The following CD3E variants were observed in gnomAD, a reference collection of about 807,000 sequenced individuals.
The protein encoded by CD3E is CD3 epsilon subunit of T-cell receptor complex.
CD3E carries 16 observed loss-of-function variants against 34.7 expected under a neutral mutation model. The ratio of observed to expected loss-of-function variants is 0.46; its 90% CI spans 0.31 to 0.70. The LOEUF (loss-of-function observed/expected upper bound fraction) is 0.70, where lower values mean the gene tolerates loss of function less well. Ranked by LOEUF, CD3E falls within the 30% of genes least tolerant of loss-of-function variation. The probability of loss-of-function intolerance (pLI) is 0.05; values close to 1 mark genes in which losing one functional copy is unlikely to be tolerated. For synonymous variants in CD3E, 70 were observed against 90.8 expected (o/e 0.77, Z 1.30); for missense variants, 223 against 253.9 (o/e 0.88, Z 0.83).
rs372144734 is a variant in CD3E, at chr11:118,313,816, T to C, written c.462T>C (p.Asn154=). 45 of 1,614,028 alleles carry C rather than the reference T, an allele frequency of 2.8e-5. No individual in the cohort carries two copies. In the African/African-American group the frequency reaches 5.6e-4, roughly 20 times the overall value. ...LLLLVYYWSK[N]RKAKAKPVTR... is the part of the protein sequence containing the mutation. ...TGCTGGTTTACTACTGGAGCAAGAA[T>C]AGAAAGGCCAAGGCCAAGCCTGTGA... Residue 154 remains asparagine, a synonymous_variant, in exon 7 of 9, where the codon AAT becomes AAC. Coordinates refer to ENST00000361763, the MANE Select transcript of CD3E (RefSeq NM_000733.4).
chr11:118,308,285 AG>A, intron 3 of CD3E, 141 bp from the exon 4 acceptor site: 1 of 726,310 alleles, frequency 1.4e-6, no homozygotes, highest in Non-Finnish European at 2.5e-6. Context: ...GGCCCATAAC[AG>A]CTTTTTCTAT....
intron 4 of CD3E, among the ~76,000 whole-genome samples, chr11:118,310,502 C>T (rs1948130060): frequency 6.6e-6 from 1 of 152,182 alleles, no homozygotes. Context: ...ATATGCAGCA[C>T]ATTTTTTTAT....
chr11:118,304,818 A>C (rs370729302), intron 1 of CD3E, 42 bp downstream of exon 1: 5 of 802,874 alleles, frequency 6.2e-6, no homozygotes, highest in Non-Finnish European at 1.1e-5. Flanking sequence ...TCATCCTAGC[A>C]TTGGGAACAA....
At position 118,315,566 on chromosome 11, in the gene CD3E, G is replaced by C. The variant is rs981500571; in HGVS notation, c.*24G>C. On this transcript the variant is annotated 3_prime_UTR_variant, in exon 9 of 9. Coordinates refer to ENST00000361763, the MANE Select transcript of CD3E (RefSeq NM_000733.4). ...GACCCTCTGGAGAACACTGCCTCCC[G>C]CTGGCCCAGGTCTCCTCTCCAGTCC... The C allele has an allele frequency of 6.3e-7, 1 of 1,596,440 alleles. No homozygotes were observed. The highest frequency in any genetic ancestry group is 8.6e-7 in the Non-Finnish European group (1 of 1,169,374).
At chr11:118,313,391 A>T in intron 6 of CD3E, 1 of 422,188 alleles carries the variant, frequency 2.4e-6, no homozygotes, top group Admixed American at 3.5e-5. Context: ...TGGGTTAAGT[A>T]TCATTTTATT....
Position 118,313,874 on chromosome 11 carries a change from G to T in CD3E, c.520G>T (p.Gly174Ter). 1 of 1,612,792 alleles carries T rather than the reference G, an allele frequency of 6.2e-7. No individual in the cohort carries two copies. ...RGAGAGGRQR[G>*]QNKERPPPVP... ...AGCGGGTGCTGGCGGCAGGCAAAGG[G>T]GTAAGGCTGTGGAGTCCAGTCAGAG... is the stretch of plus-strand genomic sequence containing the variant. Residue 174 changes from glycine to a stop codon, truncating the protein, a stop_gained and splice_region_variant, in exon 7 of 9, where the codon GGA becomes TGA. Coordinates refer to ENST00000361763, the MANE Select transcript of CD3E (RefSeq NM_000733.4). LOFTEE classifies it high-confidence loss of function.
intron 5 of CD3E, 132 bp downstream of exon 5, chr11:118,312,302 T>C: frequency 1.1e-6 from 1 of 928,716 alleles, no homozygotes; most frequent in South Asian, 1.3e-5. Context: ...AACTCCATTT[T>C]AGAAAGGTTC....
At chr11:118,314,561 T>A in intron 8 of CD3E, 67 bp downstream of exon 8, 1 of 1,448,696 alleles carries the variant, frequency 6.9e-7, no homozygotes, top group South Asian at 1.2e-5. Context: ...AGGAAACAGA[T>A]GGGATGGCCC....
chr11:118,307,549 A>T (rs1449563954), intron 3 of CD3E, among the ~76,000 whole-genome samples: 10 of 152,216 alleles, frequency 6.6e-5, no homozygotes, highest in Non-Finnish European at 1.3e-4. Flanking sequence ...TGAGACTTAA[A>T]TGAAGTTGAA....
At position 118,314,429 on chromosome 11, in the gene CD3E, T is replaced by C. The variant is rs911907074; in HGVS notation, c.521-19T>C. 1.2e-6 allele frequency: 2 copies of C among 1,611,832 alleles called. No individual in the cohort carries two copies. Among genetic ancestry groups the C allele is most frequent in the Admixed American group, 1.7e-5 (1 of 59,920 alleles). Reference sequence around the variant, plus strand: ...GGTTCCCTCATGGGAATGAAATGTTTCCCCTCCTTCCTCCGCAGGACAAAA... The same window carrying C: ...GGTTCCCTCATGGGAATGAAATGTTCCCCCTCCTTCCTCCGCAGGACAAAA... On this transcript the variant is annotated intron_variant, in intron 7 of 8. Transcript: ENST00000361763.
In CD3E at chr11:118,313,807, G is replaced by C; in HGVS notation, c.453G>C (p.Trp151Cys). The C allele has an allele frequency of 2.5e-6, 4 of 1,614,100 alleles. No individual in the cohort carries two copies. The highest frequency in any genetic ancestry group is 3.4e-6 in the Non-Finnish European group (4 of 1,180,034). ...GCTTGCTGCTGCTGGTTTACTACTG[G>C]AGCAAGAATAGAAAGGCCAAGGCCA... ...TGGLLLLVYY[W>C]SKNRKAKAKP... is the part of the protein sequence containing the mutation. Residue 151 changes from tryptophan to cysteine, a missense_variant, in exon 7 of 9, where the codon TGG (tryptophan) becomes TGC (cysteine). By Grantham distance (215) the Trp-to-Cys change is radical. Transcript: ENST00000361763.
intron 8 of CD3E, among the ~76,000 whole-genome samples, chr11:118,314,841 C>A (rs148139955): frequency 6.6e-6 from 1 of 151,780 alleles, no homozygotes. Context: ...ACCAGTATAG[C>A]GAGTTATTGA....
intron 8 of CD3E, among the ~76,000 whole-genome samples, chr11:118,315,046 T>C (rs932377413): frequency 5.3e-5 from 8 of 149,870 alleles, no homozygotes; most frequent in Non-Finnish European, 1.0e-4. Flanking sequence ...GCCTCTTGAG[T>C]TGGGGTAACA....
intron 3 of CD3E, among the ~76,000 whole-genome samples, chr11:118,308,178 A>C (rs1252675993): frequency 1.3e-5 from 2 of 152,196 alleles, no homozygotes; most frequent in Non-Finnish European, 2.9e-5. Context: ...AAAATAAAAT[A>C]AAGACAACCA....
intron 2 of CD3E, among the ~76,000 whole-genome samples, chr11:118,305,848 G>A (rs1948102561): frequency 1.3e-5 from 2 of 152,166 alleles, no homozygotes; most frequent in South Asian, 2.1e-4. Context: ...AAAATGGCTC[G>A]TGATGGTTTT....
At chr11:118,313,379 T>C in intron 6 of CD3E, 1 of 407,944 alleles carries the variant, frequency 2.5e-6, no homozygotes, top group Non-Finnish European at 4.6e-6. Flanking sequence ...TCAACAACTA[T>C]ATGGGTTAAG....
chr11:118,312,896 C>CGGCTCT (rs747411533), intron 6 of CD3E, 30 bp downstream of exon 6: 1 of 1,613,690 alleles, frequency 6.2e-7, no homozygotes, highest in Non-Finnish European at 8.5e-7. Context: ...CAGGTACCAC[C>CGGCTCT]GGCTCTTTAG....
chr11:118,313,924 C>T, intron 7 of CD3E, 50 bp downstream of exon 7: 1 of 1,597,720 alleles, frequency 6.3e-7, no homozygotes, highest in Non-Finnish European at 8.5e-7. Context: ...GGGGGACGAC[C>T]AGCCTGGGCC....
At position 118,313,372 on chromosome 11, in the gene CD3E, A is replaced by T; in HGVS notation, c.353-335A>T. The T allele has an allele frequency of 1.0e-5, 4 of 401,410 alleles. No homozygotes were observed. In the East Asian group the frequency reaches 2.3e-4, roughly 23 times the overall value. 24.9% of individuals were successfully genotyped at this position (401,410 alleles called of 1,614,324 possible). A position where few individuals can be genotyped will look rare whatever the true frequency, so the allele number is the denominator to read the frequency against. The stretch of plus-strand genomic sequence containing the variant: ...GATTCTTTTTCATGTAATCCTCTCA[A>T]CAACTATATGGGTTAAGTATCATTT... On this transcript the variant is annotated intron_variant, in intron 6 of 8. Coordinates refer to ENST00000361763, the MANE Select transcript of CD3E (RefSeq NM_000733.4).
Sources: allele counts gnomAD v4.1 joint callset (sites outside exome capture counted in the v4.1 genomes callset), GRCh38; gene constraint gnomAD v4.1.1; transcripts MANE v1.5; gene names NCBI Gene and HGNC (gene_info 2026-07-23, HGNC 2026-07-21).